CHODL: variants seen among roughly 807,000 people sequenced by gnomAD.
The protein encoded by CHODL is transmembrane protein MT75.
CHODL carries 29 observed loss-of-function variants against 34.5 expected under a neutral mutation model. That is an observed-to-expected ratio of 0.84 (90% CI 0.63 to 1.15). The LOEUF (loss-of-function observed/expected upper bound fraction) is 1.15. Ranked by LOEUF, CHODL falls within the 50% of genes most tolerant of loss-of-function variation. CHODL has a pLI of 0.00. For missense variants in CHODL, 332 were observed against 332.5 expected (o/e 1.00, Z 0.01); for synonymous variants, 125 against 116.1 (o/e 1.08, Z -0.49).
intron 2 of CHODL, among the ~76,000 whole-genome samples, chr21:18,208,172 T>TTC (rs201033264): frequency 0.011 from 524 of 48,568 alleles, 5 homozygotes; most frequent in African/African-American, 0.099. Context: ...CTTCTTCTTC[T>TTC]TTTTTTTTTT....
chr21:18,141,993 C>A (rs1052482602), intron 2 of CHODL, among the ~76,000 whole-genome samples: 3 of 152,082 alleles, frequency 2.0e-5, no homozygotes, highest in African/African-American at 7.2e-5. Flanking sequence ...ACAATGGAGA[C>A]TGTTTAATGA....
chr21:17,991,689 TGTTGA>T (rs2063798846), intron 1 of CHODL, among the ~76,000 whole-genome samples: 1 of 134,654 alleles, frequency 7.4e-6, no homozygotes, highest in South Asian at 2.3e-4. Context: ...TGTGGGGAGG[TGTTGA>T]GTTGTTTGCA....
intron 2 of CHODL, among the ~76,000 whole-genome samples, chr21:18,146,693 C>G (rs2072894419): frequency 6.6e-6 from 1 of 152,194 alleles, no homozygotes; most frequent in Admixed American, 6.5e-5. Context: ...TGAAAACAAA[C>G]TAATACAGTA....
rs147535922 is a variant in CHODL, at chr21:18,211,964, C to T, written c.-44-44545C>T. Among the ~76,000 whole-genome samples the T allele has an allele frequency of 3.5e-3, 528 of 152,196 alleles. 17 individuals are homozygous for T. The South Asian group carries it at 0.083, about 24-fold the overall frequency. The stretch of plus-strand genomic sequence containing the variant: ...TAGTGAAATTTAAAGAACTTAGAAT[C>T]CATGCAGAAAAATAAATCATAATTG... On this transcript the variant is annotated intron_variant, in intron 2 of 6. Transcript: ENST00000400127.
chr21:17,969,990 A>G lies in CHODL; in HGVS notation c.-145+52590A>G, dbSNP rs569384095. Among the ~76,000 whole-genome samples, 4 of 152,282 alleles carry G rather than the reference A, an allele frequency of 2.6e-5. No homozygotes were observed. In the South Asian group the frequency reaches 8.3e-4, roughly 32 times the overall value. On this transcript the variant is annotated intron_variant, in intron 1 of 6. Coordinates refer to the CHODL transcript ENST00000400127. Reference sequence around the variant, plus strand: ...CTGGCCTCTTTCCCACCCATTACTCATTTCAAACCATGAGAAGAAGTATGT... The same window carrying G: ...CTGGCCTCTTTCCCACCCATTACTCGTTTCAAACCATGAGAAGAAGTATGT...
chr21:17,927,134 G>GTATATATATGTA lies in CHODL; in HGVS notation c.-145+9741_-145+9742insATGTATATATAT, dbSNP rs1555837420. On this transcript the variant is annotated intron_variant, in intron 1 of 6. Coordinates refer to the CHODL transcript ENST00000400127. ...TATATATGTATATATGTATATATATGTATATATGTATATATGTATATATAT... is the reference window on the plus strand; with the variant it reads ...TATATATGTATATATGTATATATATGTATATATATGTATATATATGTATATATGTATATATAT... Among the ~76,000 whole-genome samples the GTATATATATGTA allele has an allele frequency of 2.9e-3, 311 of 107,660 alleles. 7 individuals carry two copies. The highest frequency in any genetic ancestry group is 0.013 in the African/African-American group (288 of 22,032). 70.6% of individuals were successfully genotyped at this position (107,660 alleles called of 152,430 possible).
intron 2 of CHODL, among the ~76,000 whole-genome samples, chr21:18,225,980 T>C (rs1568944629): frequency 6.6e-6 from 1 of 152,104 alleles, no homozygotes; most frequent in Non-Finnish European, 1.5e-5. Flanking sequence ...CATACAGAGA[T>C]AATATACACC....
intron 2 of CHODL, among the ~76,000 whole-genome samples, chr21:18,204,045 T>A (rs1180165070): frequency 2.0e-5 from 3 of 152,160 alleles, no homozygotes; most frequent in Non-Finnish European, 4.4e-5. Flanking sequence ...CATCTCATTT[T>A]TACTCAAAAG....
In CHODL at chr21:18,256,996, G is replaced by A; in HGVS notation, c.416G>A (p.Cys139Tyr). The change falls in exon 3 of 6, where the codon TGC (cysteine) becomes TAC (tyrosine). Residue 139 changes from cysteine (C) to tyrosine (Y), a missense_variant. Physicochemically the swap from Cys to Tyr is radical, Grantham distance 194. Transcript: ENST00000299295. Reference sequence around the variant, plus strand: ...AACTGGTACACAGATGAACCTTCCTGCGGAAGTGAAAAGTGTGTTGTGATG... The same window carrying A: ...AACTGGTACACAGATGAACCTTCCTACGGAAGTGAAAAGTGTGTTGTGATG... ...YRNWYTDEPS[C>Y]GSEKCVVMYH... The A allele has an allele frequency of 6.2e-7, 1 of 1,613,664 alleles. No homozygotes were observed. The highest frequency in any genetic ancestry group is 2.2e-5 in the East Asian group (1 of 44,878).
intron 1 of CHODL, among the ~76,000 whole-genome samples, chr21:18,005,929 C>T (rs1466495417): frequency 6.6e-6 from 1 of 152,122 alleles, no homozygotes; most frequent in African/African-American, 2.4e-5. Flanking sequence ...ATTGTAACTC[C>T]CACAATTTCC....
At chr21:18,179,231 T>C (rs1445733642) in intron 2 of CHODL, among the ~76,000 whole-genome samples, 1 of 152,204 alleles carries the variant, frequency 6.6e-6, no homozygotes, top group East Asian at 1.9e-4. Flanking sequence ...CTTTGGTCTC[T>C]ATTTGTTCCA....
At chr21:18,210,816 G>A (rs2073764896) in intron 2 of CHODL, among the ~76,000 whole-genome samples, 1 of 152,098 alleles carries the variant, frequency 6.6e-6, no homozygotes, top group African/African-American at 2.4e-5. Context: ...TTTCAACACA[G>A]TAGCCAGAAT....
chr21:17,989,941 C>T (rs2146386349), intron 1 of CHODL, among the ~76,000 whole-genome samples: 1 of 152,210 alleles, frequency 6.6e-6, no homozygotes, highest in East Asian at 1.9e-4. Context: ...AGCTTCTTTG[C>T]TTAACATAAC....
At chr21:18,043,422 A>G (rs1344302837) in intron 2 of CHODL, among the ~76,000 whole-genome samples, 2 of 151,908 alleles carry the variant, frequency 1.3e-5, no homozygotes, top group Non-Finnish European at 2.9e-5. Context: ...TTGCTGCCTT[A>G]TTTTCATTGA....
rs545315962 is a variant in CHODL at position 17,981,511 on chromosome 21, A to T, written c.-144-46361A>T. On this transcript the variant is annotated intron_variant, in intron 1 of 6. Transcript: ENST00000400127. ...CAAACTCTTGTAACTGATGGGGCTC[A>T]GGTTAAGTCTTGCAAATGTCAGTTG... 7.6e-4 allele frequency among the ~76,000 whole-genome samples: 116 copies of T among 152,338 alleles called. 1 individual carries two copies. Among genetic ancestry groups the T allele is most frequent in the African/African-American group, 2.7e-3 (111 of 41,582 alleles).
intron 1 of CHODL, among the ~76,000 whole-genome samples, chr21:17,974,555 C>A (rs1164232850): frequency 6.6e-6 from 1 of 152,130 alleles, no homozygotes; most frequent in Admixed American, 6.6e-5. Context: ...CAAGCGTGAA[C>A]CACCATGCCC....
chr21:18,079,722 G>A (rs571811279), intron 2 of CHODL, among the ~76,000 whole-genome samples: 9 of 134,232 alleles, frequency 6.7e-5, no homozygotes, highest in Non-Finnish European at 1.6e-4. Context: ...ACCATACAAG[G>A]GCAGGTATCT....
chr21:18,093,292 C>A (rs985923312), intron 2 of CHODL, among the ~76,000 whole-genome samples: 1 of 152,090 alleles, frequency 6.6e-6, no homozygotes, highest in Non-Finnish European at 1.5e-5. Context: ...CAAACAAAAG[C>A]TGAAGGATTT....
At chr21:18,228,774 A>G (rs142407540) in intron 2 of CHODL, among the ~76,000 whole-genome samples, 1 of 152,330 alleles carries the variant, frequency 6.6e-6, no homozygotes, top group Non-Finnish European at 1.5e-5. Flanking sequence ...AAAACAGAAG[A>G]TGCTTCATCT....
Sources: allele counts gnomAD v4.1 joint callset (sites outside exome capture counted in the v4.1 genomes callset), GRCh38; gene constraint gnomAD v4.1.1; transcripts MANE v1.5; gene names NCBI Gene and HGNC (gene_info 2026-07-23, HGNC 2026-07-21).